The following CDK6 variants were observed in gnomAD, a reference collection of about 807,000 sequenced individuals.
CDK6 encodes the protein cyclin dependent kinase 6.
In CDK6, 6 loss-of-function variants were observed where a neutral mutation model predicts 37.1. The ratio of observed to expected loss-of-function variants is 0.16; its 90% CI spans 0.09 to 0.32. CDK6 has a LOEUF of 0.32. Among genes scored for constraint, CDK6 ranks in the 10% least tolerant of loss-of-function variants. The pLI is 1.00. For synonymous variants in CDK6, 160 were observed against 161.3 expected (o/e 0.99, Z 0.06); for missense variants, 224 against 418.9 (o/e 0.53, Z 4.06).
chr7:92,831,745 T>C (rs998664433), intron 2 of CDK6, among the ~76,000 whole-genome samples: 1 of 152,250 alleles, frequency 6.6e-6, no homozygotes, highest in Non-Finnish European at 1.5e-5. Context: ...GATTCTTTGA[T>C]GCCTTCTAGC....
At chr7:92,647,323 A>G (rs1796475246) in intron 5 of CDK6, among the ~76,000 whole-genome samples, 2 of 152,226 alleles carry the variant, frequency 1.3e-5, no homozygotes, top group Admixed American at 1.3e-4. Context: ...AGGTGTTGTG[A>G]GAGTGAATAC....
At chr7:92,654,028 T>C (rs1245396519) in intron 5 of CDK6, among the ~76,000 whole-genome samples, 1 of 152,184 alleles carries the variant, frequency 6.6e-6, no homozygotes, top group African/African-American at 2.4e-5. Context: ...TCCAATATCA[T>C]CCTTTATGTC....
chr7:92,732,586 C>T (rs1169543064), intron 3 of CDK6, among the ~76,000 whole-genome samples: 1 of 151,798 alleles, frequency 6.6e-6, no homozygotes, highest in African/African-American at 2.4e-5. Flanking sequence ...AAGAGTAGAA[C>T]AGATAATTAT....
intron 5 of CDK6, among the ~76,000 whole-genome samples, chr7:92,628,683 G>GTA (rs1388833636): frequency 6.6e-6 from 1 of 152,062 alleles, no homozygotes; most frequent in African/African-American, 2.4e-5. Flanking sequence ...ACGATTAGAT[G>GTA]TATACACACC....
At chr7:92,671,984 G>A (rs1208765091) in intron 4 of CDK6, among the ~76,000 whole-genome samples, 1 of 151,290 alleles carries the variant, frequency 6.6e-6, no homozygotes, top group Non-Finnish European at 1.5e-5. Context: ...GACTCAGAAA[G>A]GGGGAGGGTA....
At chr7:92,832,869 G>A (rs1313377506) in intron 2 of CDK6, among the ~76,000 whole-genome samples, 1 of 152,158 alleles carries the variant, frequency 6.6e-6, no homozygotes, top group Non-Finnish European at 1.5e-5. Flanking sequence ...CTCAGGTCAT[G>A]TTTTTTTGAC....
At chr7:92,757,726 G>A (rs1281288607) in intron 3 of CDK6, among the ~76,000 whole-genome samples, 1 of 152,112 alleles carries the variant, frequency 6.6e-6, no homozygotes, top group African/African-American at 2.4e-5. Context: ...TTGAGGAACC[G>A]CCACACTGAT....
At chr7:92,806,418 T>C (rs1800726743) in intron 2 of CDK6, among the ~76,000 whole-genome samples, 1 of 152,216 alleles carries the variant, frequency 6.6e-6, no homozygotes, top group African/African-American at 2.4e-5. Flanking sequence ...CCTTTACTTT[T>C]ATCACTACTT....
chr7:92,637,185 GACC>G, intron 5 of CDK6, among the ~76,000 whole-genome samples: 1 of 152,164 alleles, frequency 6.6e-6, no homozygotes, highest in African/African-American at 2.4e-5. Context: ...AGGTTTTACA[GACC>G]TACGGGTTAA....
intron 3 of CDK6, among the ~76,000 whole-genome samples, chr7:92,761,591 A>G (rs1799458164): frequency 6.6e-6 from 1 of 152,158 alleles, no homozygotes; most frequent in African/African-American, 2.4e-5. Flanking sequence ...CTTACAAATA[A>G]TGTGTGCCTT....
chr7:92,821,373 C>G (rs1801167395), intron 2 of CDK6, among the ~76,000 whole-genome samples: 1 of 152,130 alleles, frequency 6.6e-6, no homozygotes, highest in African/African-American at 2.4e-5. Context: ...ATATGCCATT[C>G]TCACTGTGCT....
chr7:92,819,975 G>T (rs1412265270), intron 2 of CDK6, among the ~76,000 whole-genome samples: 1 of 151,706 alleles, frequency 6.6e-6, no homozygotes, highest in Non-Finnish European at 1.5e-5. Flanking sequence ...AAATGATGAA[G>T]AAGCAGCCAT....
At chr7:92,640,057 A>G (rs1420768409) in intron 5 of CDK6, among the ~76,000 whole-genome samples, 1 of 152,204 alleles carries the variant, frequency 6.6e-6, no homozygotes, top group African/African-American at 2.4e-5. Context: ...TCAGGAGATA[A>G]TACACCACCT....
chr7:92,707,889 G>T (rs1798002758), intron 4 of CDK6, among the ~76,000 whole-genome samples: 1 of 152,176 alleles, frequency 6.6e-6, no homozygotes, highest in South Asian at 2.1e-4. Context: ...GATATTATGG[G>T]CAGCAGATGA....
At chr7:92,626,752 ATGACT>A (rs1372739498) in intron 5 of CDK6, among the ~76,000 whole-genome samples, 1 of 152,032 alleles carries the variant, frequency 6.6e-6, no homozygotes, top group Non-Finnish European at 1.5e-5. Flanking sequence ...AAATGTGAAC[ATGACT>A]TGAGAGGAGA....
At chr7:92,710,940 G>T (rs758460038) in intron 4 of CDK6, 11 of 844,328 alleles carry the variant, frequency 1.3e-5, no homozygotes, top group Non-Finnish European at 1.6e-5. Flanking sequence ...GACAGGAAGA[G>T]CAGAAAGCGC....
intron 2 of CDK6, among the ~76,000 whole-genome samples, chr7:92,808,961 C>T (rs1800797096): frequency 6.6e-6 from 1 of 151,948 alleles, no homozygotes; most frequent in African/African-American, 2.4e-5. Flanking sequence ...GTTAAAGGGC[C>T]AGAAATCCTG....
intron 5 of CDK6, among the ~76,000 whole-genome samples, chr7:92,625,836 C>A (rs1341246684): frequency 2.0e-5 from 3 of 151,946 alleles, no homozygotes; most frequent in African/African-American, 7.2e-5. Flanking sequence ...CATTTAGTTA[C>A]AATAATTTCA....
intron 2 of CDK6, among the ~76,000 whole-genome samples, chr7:92,799,317 C>T (rs904986148): frequency 6.6e-6 from 1 of 152,158 alleles, no homozygotes; most frequent in African/African-American, 2.4e-5. Flanking sequence ...GGCTCTTCCA[C>T]CTCTTGGACG....
Sources: gnomAD v4.1 joint callset for allele counts (sites outside exome capture counted in the v4.1 genomes callset) on GRCh38, gnomAD v4.1.1 for gene constraint, MANE v1.5 for transcripts, NCBI Gene and HGNC (gene_info 2026-07-23, HGNC 2026-07-21) for gene names.